DYSF: variants seen among roughly 807,000 people sequenced by gnomAD.
The protein encoded by DYSF is dysferlin.
A neutral mutation model predicts 274.9 loss-of-function variants in DYSF; 212 were observed. The ratio of observed to expected loss-of-function variants is 0.77; its 90% confidence interval spans 0.69 to 0.86. The LOEUF (loss-of-function observed/expected upper bound fraction) is 0.86, where lower values mean the gene tolerates loss of function less well. DYSF is among the 40% of genes least tolerant of loss of function. DYSF has a pLI of 0.00. For synonymous variants in DYSF, 1,091 were observed against 1,078.7 expected (o/e 1.01, Z -0.22); for missense variants, 2,666 against 2,783.2 (o/e 0.96, Z 0.95).
intron 41 of DYSF, among the ~76,000 whole-genome samples, chr2:71,623,463 A>T (rs1374932814): frequency 6.6e-6 from 1 of 152,062 alleles, no homozygotes; most frequent in Non-Finnish European, 1.5e-5. Context: ...ACTGATTAAA[A>T]GTCCTGCAAA....
rs554221479 is a variant in DYSF, at chr2:71,453,889, G to T, written c.-110G>T. The T allele has an allele frequency of 9.9e-6, 11 of 1,111,416 alleles. No individual in the cohort carries two copies. The East Asian group carries it at 1.8e-4, about 18-fold the overall frequency. 68.8% of individuals were successfully genotyped at this position (1,111,416 alleles called of 1,614,324 possible). On this transcript the variant is annotated 5_prime_UTR_variant, in exon 1 of 55. Coordinates refer to the DYSF transcript ENST00000258104. ...GGAGCCAGAGATTCGAGCCGGCCTC[G>T]CCCAGCCAGCCCTCTCCAGCGAGGG...
intron 41 of DYSF, 93 bp from the exon 42 acceptor site, chr2:71,643,872 C>G: frequency 3.2e-6 from 3 of 940,776 alleles, no homozygotes; most frequent in African/African-American, 1.6e-5. Flanking sequence ...TGGTCCAGAG[C>G]GGCCTAGCAG....
At chr2:71,669,246 C>T (rs945733972) in intron 50 of DYSF, 39 bp downstream of exon 50, 1 of 1,513,632 alleles carries the variant, frequency 6.6e-7, no homozygotes, top group East Asian at 2.3e-5. Context: ...CAGCTTCCCG[C>T]AGCTCCCGTG....
At chr2:71,469,689 C>G (rs986724367) in intron 1 of DYSF, among the ~76,000 whole-genome samples, 1 of 152,144 alleles carries the variant, frequency 6.6e-6, no homozygotes, top group Non-Finnish European at 1.5e-5. Context: ...TTTTGGCTTC[C>G]CTGTCTAAGC....
chr2:71,569,097 A>G (rs1323925486), intron 26 of DYSF, among the ~76,000 whole-genome samples: 1 of 149,030 alleles, frequency 6.7e-6, no homozygotes, highest in Admixed American at 6.7e-5. Context: ...GATGGTCTCG[A>G]TCTCCTGACC....
chr2:71,568,362 G>C lies in DYSF; in HGVS notation c.2864+24G>C, dbSNP rs1319901258. 3 of 1,612,546 alleles carry C rather than the reference G, an allele frequency of 1.9e-6. No homozygotes were observed. In the Admixed American group the frequency reaches 5.0e-5, roughly 27 times the overall value. ...ACGTGAGTCGTGGGCAGGGAGGGCT[G>C]GGGAGAGCCAGGCCAGGCTGCCCAC... On this transcript the variant is annotated intron_variant, in intron 26 of 55. Transcript: ENST00000410020.
At chr2:71,490,327 C>T (rs1264161388) in intron 3 of DYSF, among the ~76,000 whole-genome samples, 2 of 152,180 alleles carry the variant, frequency 1.3e-5, no homozygotes, top group Non-Finnish European at 2.9e-5. Flanking sequence ...CCATTGTTAA[C>T]GATTTGGTGC....
chr2:71,511,643 T>A (rs1251893469), intron 4 of DYSF, among the ~76,000 whole-genome samples, 164 bp from the exon 5 acceptor site: 1 of 152,194 alleles, frequency 6.6e-6, no homozygotes. Flanking sequence ...CACCTGACTA[T>A]GCTGATAGGT....
At chr2:71,654,067 G>C (rs769653501) in intron 42 of DYSF, among the ~76,000 whole-genome samples, 1 of 152,074 alleles carries the variant, frequency 6.6e-6, no homozygotes, top group Non-Finnish European at 1.5e-5. Context: ...CCACAGAACA[G>C]AAAACAAACA....
intron 55 of DYSF, among the ~76,000 whole-genome samples, chr2:71,685,574 C>A (rs2095347133): frequency 6.6e-6 from 1 of 152,222 alleles, no homozygotes; most frequent in African/African-American, 2.4e-5. Context: ...TGGAGAGGGG[C>A]CCAAGGACAG....
intron 48 of DYSF, among the ~76,000 whole-genome samples, chr2:71,668,216 C>T (rs2095052471): frequency 6.6e-6 from 1 of 152,168 alleles, no homozygotes; most frequent in South Asian, 2.1e-4. Flanking sequence ...GGTGGTTTGG[C>T]TACCGGCCTC....
In DYSF at chr2:71,665,265, G is replaced by A; in HGVS notation, c.5278G>A (p.Val1760Ile). ...VKAPVYRTDRVMFQDKEYSIE... is the reference protein window; with the variant it reads ...VKAPVYRTDRIMFQDKEYSIE... Reference sequence around the variant, plus strand: ...GGCACCTGTGTACCGGACAGACCGTGTAATGTTTCAGGATAAAGAATATTC... The same window carrying A: ...GGCACCTGTGTACCGGACAGACCGTATAATGTTTCAGGATAAAGAATATTC... The change falls in exon 47 of 56, where the codon GTA becomes ATA. Residue 1760 changes from valine (V) to isoleucine (I), a missense_variant. Transcript: ENST00000410020. 6.2e-7 allele frequency: 1 copy of A among 1,614,206 alleles called. No homozygotes were observed. Among genetic ancestry groups the A allele is most frequent in the Non-Finnish European group, 8.5e-7 (1 of 1,180,044 alleles).
chr2:71,515,319 C>T (rs1012908964), intron 7 of DYSF, among the ~76,000 whole-genome samples: 2 of 152,094 alleles, frequency 1.3e-5, no homozygotes, highest in African/African-American at 4.8e-5. Context: ...TCGGGTGGGG[C>T]TTGTGCCAAT....
intron 3 of DYSF, among the ~76,000 whole-genome samples, chr2:71,500,852 G>T (rs114186068): frequency 1.6e-3 from 238 of 152,074 alleles, no homozygotes; most frequent in African/African-American, 5.1e-3. Flanking sequence ...TAGATACCCG[G>T]GTCCTGGGGC....
chr2:71,664,048 C>T (rs972738083), intron 45 of DYSF, among the ~76,000 whole-genome samples: 3 of 152,178 alleles, frequency 2.0e-5, no homozygotes, highest in Non-Finnish European at 2.9e-5. Flanking sequence ...AGGCACTTGC[C>T]TTATGCCCAG....
intron 33 of DYSF, among the ~76,000 whole-genome samples, chr2:71,599,427 G>A (rs528203604): frequency 1.1e-3 from 175 of 152,254 alleles, no homozygotes; most frequent in Non-Finnish European, 2.1e-3. Context: ...GGTGGCTGGT[G>A]CTCCTGTATT....
chr2:71,598,059 T>C (rs1246193905), intron 32 of DYSF, among the ~76,000 whole-genome samples: 4 of 152,224 alleles, frequency 2.6e-5, no homozygotes, highest in Admixed American at 2.6e-4. Flanking sequence ...CCTAACACAT[T>C]TCACTGCATT....
chr2:71,492,257 C>G (rs1185499068), intron 3 of DYSF, among the ~76,000 whole-genome samples: 1 of 152,172 alleles, frequency 6.6e-6, no homozygotes, highest in African/African-American at 2.4e-5. Context: ...GGCCAGGGGA[C>G]TCAGGGGCTC....
chr2:71,571,941 G>C (rs1334507633), intron 29 of DYSF, among the ~76,000 whole-genome samples: 3 of 138,024 alleles, frequency 2.2e-5, no homozygotes, highest in Non-Finnish European at 3.1e-5. Flanking sequence ...ATCACACACA[G>C]ATCACACCCA....
Sources: gnomAD v4.1 joint callset for allele counts (sites outside exome capture counted in the v4.1 genomes callset) on GRCh38, gnomAD v4.1.1 for gene constraint, MANE v1.5 for transcripts, NCBI Gene and HGNC (gene_info 2026-07-23, HGNC 2026-07-21) for gene names.